The following STX2 variants were observed in gnomAD, a reference collection of about 807,000 sequenced individuals.
The protein encoded by STX2 is syntaxin-2.
In STX2, 27 loss-of-function variants were observed where a neutral mutation model predicts 40.6. The observed-to-expected ratio is 0.66, with a 90% CI of 0.49 to 0.92. The LOEUF (loss-of-function observed/expected upper bound fraction) is 0.92, where lower values mean the gene tolerates loss of function less well. Ranked by LOEUF, STX2 falls within the 40% of genes least tolerant of loss-of-function variation. The pLI is 0.00. For synonymous variants in STX2, 123 were observed against 119.1 expected (o/e 1.03, Z -0.22); for missense variants, 328 against 366.1 (o/e 0.90, Z 0.85).
intron 2 of STX2, among the ~76,000 whole-genome samples, 177 bp from the exon 3 acceptor site, chr12:130,821,965 A>C (rs932742472): frequency 1.3e-5 from 2 of 152,230 alleles, no homozygotes; most frequent in Non-Finnish European, 2.9e-5. Flanking sequence ...TATCCTATGA[A>C]TATTTCTACC....
chr12:130,827,063 AAGGGAGGGAGGGAGGGGT>A, intron 2 of STX2, 112 bp downstream of exon 2: 1 of 562,766 alleles, frequency 1.8e-6, no homozygotes, highest in Non-Finnish European at 3.1e-6. Context: ...GGAAGAAAGG[AAGGGAGGGAGGGAGGGGT>A]GGGGAGGGGA....
At chr12:130,827,410 T>C (rs1952364148) in intron 1 of STX2, 143 bp from the exon 2 acceptor site, 2 of 631,864 alleles carry the variant, frequency 3.2e-6, no homozygotes, top group Admixed American at 4.9e-5. Flanking sequence ...GCCACCACTA[T>C]CTACTCCAAC....
rs1292632395 is a variant in STX2, at chr12:130,792,313, C to T, written c.*46-336G>A. 2.6e-5 allele frequency among the ~76,000 whole-genome samples: 4 copies of T among 152,336 alleles called. No individual in the cohort carries two copies. The East Asian group carries it at 7.7e-4, about 29-fold the overall frequency. ...TGACTTCGTGATCCACCCGCCTCAG[C>T]CTCCCAAAATGCTGGGATTACAGGC... is the stretch of plus-strand genomic sequence containing the variant. On this transcript the variant is annotated intron_variant, in intron 10 of 10. Transcript: ENST00000392373.
chr12:130,807,445 G>T (rs987904333), intron 5 of STX2, among the ~76,000 whole-genome samples: 3 of 149,032 alleles, frequency 2.0e-5, no homozygotes, highest in African/African-American at 7.4e-5. Flanking sequence ...CCCATGAGGG[G>T]ACCCAGGCAA....
chr12:130,802,917 T>C lies in STX2; in HGVS notation c.464-1429A>G, dbSNP rs1273634353. 2.0e-5 allele frequency among the ~76,000 whole-genome samples: 3 copies of C among 152,044 alleles called. No individual in the cohort carries two copies. In the East Asian group the frequency reaches 5.8e-4, roughly 29 times the overall value. ...TCCAAAATGGGAAAATGTACAGGAG[T>C]AAAAAGTAGAATGCAGTTGTCTTGG... On this transcript the variant is annotated intron_variant, in intron 6 of 10. Transcript: ENST00000392373.
At chr12:130,826,725 G>A (rs1216198760) in intron 2 of STX2, among the ~76,000 whole-genome samples, 2 of 151,952 alleles carry the variant, frequency 1.3e-5, no homozygotes, top group African/African-American at 4.8e-5. Context: ...AAGCCACCAG[G>A]CACAAGGGCT....
At chr12:130,804,773 T>C (rs1200658803) in intron 6 of STX2, among the ~76,000 whole-genome samples, 1 of 151,990 alleles carries the variant, frequency 6.6e-6, no homozygotes, top group Non-Finnish European at 1.5e-5. Flanking sequence ...CTTAAAGGAA[T>C]TACTAAAAAA....
At chr12:130,820,971 C>T (rs1478817079) in intron 3 of STX2, among the ~76,000 whole-genome samples, 1 of 152,150 alleles carries the variant, frequency 6.6e-6, no homozygotes, top group African/African-American at 2.4e-5. Context: ...TTTATCATTC[C>T]AGAGCAATGA....
chr12:130,811,528 A>G (rs1195614111), intron 4 of STX2, among the ~76,000 whole-genome samples: 1 of 145,578 alleles, frequency 6.9e-6, no homozygotes, highest in Non-Finnish European at 1.5e-5. Context: ...TAATGTCACC[A>G]TTAACATCTT....
At chr12:130,815,951 C>G (rs936358804) in intron 3 of STX2, among the ~76,000 whole-genome samples, 1 of 152,086 alleles carries the variant, frequency 6.6e-6, no homozygotes. Context: ...AAAGGGAACA[C>G]AAAATGCCTT....
At chr12:130,805,800 C>T (rs1008875178) in intron 6 of STX2, among the ~76,000 whole-genome samples, 1 of 152,174 alleles carries the variant, frequency 6.6e-6, no homozygotes, top group African/African-American at 2.4e-5. Context: ...CAGCACCCAA[C>T]AAAGTAACGT....
At chr12:130,796,469 G>C (rs911315767) in intron 9 of STX2, among the ~76,000 whole-genome samples, 1 of 152,132 alleles carries the variant, frequency 6.6e-6, no homozygotes, top group African/African-American at 2.4e-5. Flanking sequence ...CTGGGCAACA[G>C]AGCAAGACTC....
intron 9 of STX2, among the ~76,000 whole-genome samples, chr12:130,796,904 CCTCT>C (rs1408300647): frequency 6.6e-6 from 1 of 152,178 alleles, no homozygotes; most frequent in African/African-American, 2.4e-5. Context: ...GCCTGGCCTC[CCTCT>C]GAGGGCCACA....
intron 1 of STX2, among the ~76,000 whole-genome samples, chr12:130,830,457 C>T (rs1020992290): frequency 1.6e-4 from 24 of 152,210 alleles, no homozygotes; most frequent in African/African-American, 5.3e-4. Context: ...ACTCTGAACC[C>T]ACGGCACGGG....
chr12:130,835,148 G>T (rs1010107280), intron 1 of STX2, among the ~76,000 whole-genome samples: 7 of 152,224 alleles, frequency 4.6e-5, no homozygotes, highest in Non-Finnish European at 1.0e-4. Flanking sequence ...AGTTTGCTGG[G>T]TGCAGCGGCA....
intron 6 of STX2, among the ~76,000 whole-genome samples, chr12:130,806,680 G>A (rs562820187): frequency 6.6e-6 from 1 of 152,284 alleles, no homozygotes; most frequent in African/African-American, 2.4e-5. Flanking sequence ...CCGAACCAGG[G>A]CAGGGCGGGA....
At chr12:130,827,307 T>A in intron 1 of STX2, 40 bp from the exon 2 acceptor site, 3 of 1,526,574 alleles carry the variant, frequency 2.0e-6, no homozygotes, top group Non-Finnish European at 2.7e-6. Flanking sequence ...TTAAAATTTT[T>A]ATGTAGGCAC....
chr12:130,822,701 G>A (rs1206606887), intron 2 of STX2, among the ~76,000 whole-genome samples: 1 of 152,122 alleles, frequency 6.6e-6, no homozygotes, highest in Non-Finnish European at 1.5e-5. Flanking sequence ...CAGATGTGAC[G>A]AAACTAAGGA....
At chr12:130,826,252 C>T (rs1481968332) in intron 2 of STX2, among the ~76,000 whole-genome samples, 2 of 152,222 alleles carry the variant, frequency 1.3e-5, no homozygotes, top group Non-Finnish European at 2.9e-5. Flanking sequence ...GCACACCTGA[C>T]CCCTGCCCCC....
Sources: gnomAD v4.1 joint callset for allele counts (sites outside exome capture counted in the v4.1 genomes callset) on GRCh38, gnomAD v4.1.1 for gene constraint, MANE v1.5 for transcripts, NCBI Gene and HGNC (gene_info 2026-07-23, HGNC 2026-07-21) for gene names.